Variants in MCUB observed in about 807,000 individuals in gnomAD.
MCUB encodes the protein mitochondrial calcium uniporter dominant negative subunit beta.
MCUB carries 46 observed loss-of-function variants against 41.4 expected under a neutral mutation model. That is an observed-to-expected ratio of 1.11 (90% CI 0.88 to 1.42). The LOEUF is 1.42. MCUB is among the 40% of genes most tolerant of loss of function. The pLI is 0.00. For missense variants in MCUB, 403 were observed against 404.9 expected (o/e 1.00, Z 0.04); for synonymous variants, 148 against 148.2 (o/e 1.00, Z 0.01).
At chr4:109,569,014 T>C (rs941071111) in intron 1 of MCUB, among the ~76,000 whole-genome samples, 5 of 152,224 alleles carry the variant, frequency 3.3e-5, no homozygotes, top group Admixed American at 3.3e-4. Context: ...AGAACCTTTA[T>C]ACATATTACA....
At position 109,682,735 on chromosome 4, in the gene MCUB, T is replaced by C. The variant is rs200701059; in HGVS notation, c.605T>C (p.Leu202Pro). ...IDHLKEQLQPLEQVKAGIEAH... is the reference protein window; with the variant it reads ...IDHLKEQLQPPEQVKAGIEAH... ...CACCTGAAGGAACAGCTGCAGCCCC[T>C]TGAACAGGTTAGGAAGCATCACGGT... Residue 202 changes from leucine to proline, a missense_variant, in exon 5 of 8, where the codon CTT becomes CCT. Physicochemically the swap from Leu to Pro is moderately conservative, Grantham distance 98. Coordinates refer to ENST00000394650, the MANE Select transcript of MCUB (RefSeq NM_017918.5). 2.3e-4 allele frequency: 378 copies of C among 1,612,526 alleles called. 4 individuals carry two copies. The highest frequency in any genetic ancestry group is 1.3e-3 in the South Asian group (122 of 90,914).
chr4:109,662,046 T>G (rs956215146), intron 3 of MCUB, among the ~76,000 whole-genome samples: 2 of 152,100 alleles, frequency 1.3e-5, no homozygotes, highest in Non-Finnish European at 2.9e-5. Flanking sequence ...GGGAGCCTAC[T>G]ACACAGTGAC....
intron 1 of MCUB, among the ~76,000 whole-genome samples, chr4:109,617,936 G>A (rs1728166558): frequency 6.6e-6 from 1 of 152,134 alleles, no homozygotes; most frequent in Non-Finnish European, 1.5e-5. Flanking sequence ...GGAAAGGCCT[G>A]GGAAGTCTTG....
chr4:109,632,044 C>G (rs1012308211), intron 1 of MCUB, among the ~76,000 whole-genome samples: 13 of 152,286 alleles, frequency 8.5e-5, no homozygotes, highest in East Asian at 3.9e-4. Flanking sequence ...ACCACACCCT[C>G]TTTGAAGAGG....
At chr4:109,613,222 G>T (rs1339317250) in intron 1 of MCUB, among the ~76,000 whole-genome samples, 1 of 152,154 alleles carries the variant, frequency 6.6e-6, no homozygotes, top group Non-Finnish European at 1.5e-5. Flanking sequence ...GGGACAAATA[G>T]TAACAAGCTT....
At chr4:109,634,559 A>G (rs1300360391) in intron 1 of MCUB, among the ~76,000 whole-genome samples, 1 of 151,508 alleles carries the variant, frequency 6.6e-6, no homozygotes, top group Admixed American at 6.6e-5. Flanking sequence ...TGTTACCACC[A>G]TTGTGACTTC....
At chr4:109,603,496 G>T (rs1231374719) in intron 1 of MCUB, among the ~76,000 whole-genome samples, 1 of 152,178 alleles carries the variant, frequency 6.6e-6, no homozygotes, top group Non-Finnish European at 1.5e-5. Context: ...GCTGAAGATT[G>T]CAGCCTCTGC....
At chr4:109,615,701 G>A (rs541352588) in intron 1 of MCUB, among the ~76,000 whole-genome samples, 25 of 152,194 alleles carry the variant, frequency 1.6e-4, no homozygotes, top group African/African-American at 5.8e-4. Flanking sequence ...GAGCCACCGC[G>A]CCCGGCATAG....
chr4:109,614,201 G>A (rs1728077815), intron 1 of MCUB, among the ~76,000 whole-genome samples: 1 of 152,152 alleles, frequency 6.6e-6, no homozygotes, highest in African/African-American at 2.4e-5. Flanking sequence ...GAACATTACA[G>A]CGTCAGCTCA....
chr4:109,583,181 C>A (rs764337050), intron 1 of MCUB, among the ~76,000 whole-genome samples: 5 of 152,138 alleles, frequency 3.3e-5, no homozygotes, highest in Non-Finnish European at 5.9e-5. Context: ...GATACTGATT[C>A]TTCCTATCCA....
At chr4:109,576,898 CT>C (rs1237086718) in intron 1 of MCUB, among the ~76,000 whole-genome samples, 1 of 152,148 alleles carries the variant, frequency 6.6e-6, no homozygotes, top group Non-Finnish European at 1.5e-5. Context: ...GTTGCCCAGG[CT>C]GGAGTGCAGT....
At chr4:109,586,381 T>A (rs1039263765) in intron 1 of MCUB, among the ~76,000 whole-genome samples, 2 of 152,212 alleles carry the variant, frequency 1.3e-5, no homozygotes, top group African/African-American at 2.4e-5. Context: ...TTTAGCTTCC[T>A]TGCGATGGGT....
chr4:109,573,576 T>G (rs10213562), intron 1 of MCUB, among the ~76,000 whole-genome samples: 31,901 of 152,014 alleles, frequency 0.21, 5,387 homozygotes, highest in African/African-American at 0.47. Context: ...TTGGTAGTTG[T>G]GTACAAAGGA....
intron 1 of MCUB, among the ~76,000 whole-genome samples, chr4:109,597,122 A>G (rs1434086893): frequency 9.2e-5 from 14 of 151,616 alleles, no homozygotes; most frequent in Middle Eastern, 3.4e-3. Context: ...AAAGTCTCCC[A>G]TGTCTACTTC....
intron 1 of MCUB, among the ~76,000 whole-genome samples, chr4:109,647,651 T>C (rs1728868195): frequency 6.6e-6 from 1 of 152,214 alleles, no homozygotes. Flanking sequence ...TAAACATCCA[T>C]GTGCAGTTTA....
intron 1 of MCUB, among the ~76,000 whole-genome samples, chr4:109,627,447 T>C (rs1464604352): frequency 6.6e-6 from 1 of 152,232 alleles, no homozygotes; most frequent in African/African-American, 2.4e-5. Context: ...CAACAGCTTT[T>C]TGCTGTGCTC....
At chr4:109,563,969 T>G (rs1361708036) in intron 1 of MCUB, among the ~76,000 whole-genome samples, 1 of 152,160 alleles carries the variant, frequency 6.6e-6, no homozygotes, top group African/African-American at 2.4e-5. Context: ...CATAAGATCC[T>G]CAGGAAGAAC....
At chr4:109,610,120 C>T (rs1727973506) in intron 1 of MCUB, among the ~76,000 whole-genome samples, 2 of 152,148 alleles carry the variant, frequency 1.3e-5, no homozygotes, top group South Asian at 4.1e-4. Flanking sequence ...CAAGGGTCTT[C>T]GGTCAGCTCA....
intron 1 of MCUB, among the ~76,000 whole-genome samples, chr4:109,605,072 T>C (rs1727839588): frequency 6.6e-6 from 1 of 152,216 alleles, no homozygotes; most frequent in Non-Finnish European, 1.5e-5. Context: ...CCTCTATTTT[T>C]CACAAGTTCG....
Sources: allele counts gnomAD v4.1 joint callset (sites outside exome capture counted in the v4.1 genomes callset), GRCh38; gene constraint gnomAD v4.1.1; transcripts MANE v1.5; gene names NCBI Gene and HGNC (gene_info 2026-07-23, HGNC 2026-07-21).